The following RBM20 variants were observed in gnomAD, a reference collection of about 807,000 sequenced individuals.
The protein encoded by RBM20 is RNA binding motif protein 20.
In RBM20, 51 loss-of-function variants were observed where a neutral mutation model predicts 110.1. The observed-to-expected ratio is 0.46, with a 90% confidence interval of 0.37 to 0.59. The LOEUF (loss-of-function observed/expected upper bound fraction) is 0.59. Among genes scored for constraint, RBM20 ranks in the 20% least tolerant of loss-of-function variants. RBM20 has a pLI of 0.00. For synonymous variants in RBM20, 589 were observed against 618.2 expected, an observed-to-expected ratio of 0.95 and a Z score of 0.70; for missense variants, 1,512 against 1,574.9, an observed-to-expected ratio of 0.96 and a Z score of 0.68.
intron 1 of RBM20, among the ~76,000 whole-genome samples, chr10:110,775,794 A>G (rs1590670828): frequency 1.3e-5 from 2 of 152,168 alleles, no homozygotes; most frequent in East Asian, 3.9e-4. Context: ...CCCGTGGTTT[A>G]CGTAGGTTGG....
intron 1 of RBM20, among the ~76,000 whole-genome samples, chr10:110,771,409 G>A (rs769829049): frequency 3.7e-4 from 57 of 152,176 alleles, no homozygotes; most frequent in African/African-American, 1.3e-3. Context: ...GATTACAGGC[G>A]TTAAGCCACC....
rs1241629549 is a variant in RBM20 at position 110,781,644 on chromosome 10, G to A, written c.1035G>A (p.Gln345=). ...AGPMWPPPHN[Q]PYELYDPEEP... is the part of the protein sequence containing the mutation. ...CCATGTGGCCTCCACCCCACAACCAGCCCTATGAGCTGTACGACCCCGAGG... is the reference window on the plus strand; with the variant it reads ...CCATGTGGCCTCCACCCCACAACCAACCCTATGAGCTGTACGACCCCGAGG... The change falls in exon 2 of 14, where the codon CAG becomes CAA. Residue 345 remains glutamine (Q), a synonymous_variant. Transcript: ENST00000369519. The A allele has an allele frequency of 6.5e-7, 1 of 1,548,874 alleles. No homozygotes were observed.
intron 1 of RBM20, among the ~76,000 whole-genome samples, chr10:110,681,871 CT>C (rs1403803127): frequency 7.3e-5 from 11 of 151,152 alleles, no homozygotes; most frequent in Admixed American, 7.2e-4. Context: ...TTTTCTTTTC[CT>C]TTTCTTTTCT....
At chr10:110,811,557 T>G (rs992910835) in intron 8 of RBM20, among the ~76,000 whole-genome samples, 1 of 152,190 alleles carries the variant, frequency 6.6e-6, no homozygotes, top group Non-Finnish European at 1.5e-5. Context: ...GGAGGGGGGT[T>G]AGGAAGTCTT....
At chr10:110,675,551 G>A (rs908242952) in intron 1 of RBM20, among the ~76,000 whole-genome samples, 5 of 152,284 alleles carry the variant, frequency 3.3e-5, no homozygotes, top group South Asian at 2.1e-4. Context: ...ACTTCCAGCG[G>A]GTAAGGTATG....
At chr10:110,817,938 C>A (rs1333637685) in intron 9 of RBM20, among the ~76,000 whole-genome samples, 1 of 152,144 alleles carries the variant, frequency 6.6e-6, no homozygotes, top group Non-Finnish European at 1.5e-5. Flanking sequence ...AGATTTTTGC[C>A]TTTATCTTAA....
intron 7 of RBM20, among the ~76,000 whole-genome samples, chr10:110,802,383 CTT>C (rs200758964): frequency 8.5e-4 from 115 of 135,214 alleles, no homozygotes; most frequent in Middle Eastern, 3.8e-3. Context: ...CAGAACCTGG[CTT>C]TTTTTTTTTT....
Position 110,651,854 on chromosome 10 carries a change from G to A in RBM20, c.191+7209G>A, listed in dbSNP as rs140353420. 3.2e-3 allele frequency among the ~76,000 whole-genome samples: 492 copies of A among 152,318 alleles called. 1 individual carries two copies. Among genetic ancestry groups the A allele is most frequent in the South Asian group, 6.6e-3 (32 of 4,826 alleles). On this transcript the variant is annotated intron_variant, in intron 1 of 13. Transcript: ENST00000369519. ...GTGTTTCCAGAGCCAGGATGTGGGC[G>A]CTGTGGGGCCAGTGCTGCATCCTCC... is the stretch of plus-strand genomic sequence containing the variant.
chr10:110,831,666 T>TAAAAAAAA (rs869203382), intron 13 of RBM20, among the ~76,000 whole-genome samples: 33 of 58,354 alleles, frequency 5.7e-4, no homozygotes, highest in African/African-American at 8.6e-4. Flanking sequence ...CTTGCTAGAA[T>TAAAAAAAA]AAAAAAAAAA....
chr10:110,697,991 T>G (rs1462696243), intron 1 of RBM20, among the ~76,000 whole-genome samples: 1 of 150,582 alleles, frequency 6.6e-6, no homozygotes. Context: ...CACTGCAAGC[T>G]CCACCTCCCG....
intron 1 of RBM20, among the ~76,000 whole-genome samples, chr10:110,740,895 C>G (rs1843718304): frequency 6.6e-6 from 1 of 152,120 alleles, no homozygotes; most frequent in African/African-American, 2.4e-5. Flanking sequence ...TCTCCAACAT[C>G]CTTGGAGATG....
intron 1 of RBM20, among the ~76,000 whole-genome samples, chr10:110,712,582 A>C (rs938469257): frequency 6.6e-6 from 1 of 152,110 alleles, no homozygotes; most frequent in South Asian, 2.1e-4. Flanking sequence ...GCCTGGCCAA[A>C]ATGGTGAAAC....
At chr10:110,832,696 T>C (rs1205407603) in intron 13 of RBM20, among the ~76,000 whole-genome samples, 1 of 152,216 alleles carries the variant, frequency 6.6e-6, no homozygotes, top group Non-Finnish European at 1.5e-5. Flanking sequence ...CTCTTTTTAC[T>C]CTACTATACT....
intron 12 of RBM20, among the ~76,000 whole-genome samples, chr10:110,825,624 A>C (rs61862943): frequency 5.3e-5 from 8 of 152,228 alleles, no homozygotes; most frequent in Non-Finnish European, 1.0e-4. Context: ...ATGTCAGTAC[A>C]TAGAGAACAC....
At chr10:110,710,331 G>A (rs1299864118) in intron 1 of RBM20, among the ~76,000 whole-genome samples, 1 of 152,224 alleles carries the variant, frequency 6.6e-6, no homozygotes, top group Non-Finnish European at 1.5e-5. Flanking sequence ...ACAATAATCA[G>A]ACACTTCTGT....
intron 13 of RBM20, among the ~76,000 whole-genome samples, chr10:110,832,409 T>C (rs1189635577): frequency 6.6e-6 from 1 of 152,234 alleles, no homozygotes; most frequent in African/African-American, 2.4e-5. Flanking sequence ...ATCAGACTCA[T>C]CTGGACAGTA....
chr10:110,800,274 A>G (rs558336437), intron 7 of RBM20, among the ~76,000 whole-genome samples: 1 of 152,166 alleles, frequency 6.6e-6, no homozygotes, highest in African/African-American at 2.4e-5. Flanking sequence ...ACCTTCAGTA[A>G]CATTTTCTTC....
chr10:110,664,445 TAAA>T (rs1564809178), intron 1 of RBM20, among the ~76,000 whole-genome samples: 1 of 152,148 alleles, frequency 6.6e-6, no homozygotes, highest in Non-Finnish European at 1.5e-5. Context: ...ATCTATAAGT[TAAA>T]AAAATTCAGT....
intron 5 of RBM20, among the ~76,000 whole-genome samples, chr10:110,792,729 C>T (rs755875776): frequency 3.3e-5 from 5 of 152,198 alleles, no homozygotes; most frequent in Admixed American, 6.5e-5. Flanking sequence ...TTTCTAGCCA[C>T]CGTGGCAGCA....
Sources: gnomAD v4.1 joint callset for allele counts (sites outside exome capture counted in the v4.1 genomes callset) on GRCh38, gnomAD v4.1.1 for gene constraint, MANE v1.5 for transcripts, NCBI Gene and HGNC (gene_info 2026-07-23, HGNC 2026-07-21) for gene names.